BCLAF1: variants seen among roughly 807,000 people sequenced by gnomAD.
BCLAF1 encodes the protein BCL2 associated transcription factor 1.
A neutral mutation model predicts 99.5 loss-of-function variants in BCLAF1; 10 were observed. That is an observed-to-expected ratio of 0.10 (90% CI 0.06 to 0.17). BCLAF1 has a LOEUF of 0.17. BCLAF1 is among the 10% of genes least tolerant of loss of function. The pLI, the probability that BCLAF1 is intolerant of heterozygous loss-of-function variation, is 1.00. For synonymous variants in BCLAF1, 255 were observed against 370.9 expected (o/e 0.69, Z 3.59); for missense variants, 636 against 1,105.8 (o/e 0.58, Z 6.02).
Position 136,262,298 on chromosome 6 carries a change from T to C in BCLAF1, c.2545-821A>G, listed in dbSNP as rs575983547. ...TGTAATTTAATTAACAGCTAACTTA[T>C]TAACTTTGTCACCCACAAAAATGGG... On this transcript the variant is annotated intron_variant, in intron 11 of 12. Transcript: ENST00000531224. Among the ~76,000 whole-genome samples the C allele has an allele frequency of 8.5e-5, 13 of 152,280 alleles. No homozygotes were observed. The South Asian group carries it at 1.9e-3, about 22-fold the overall frequency.
chr6:136,263,483 A>G (rs1781300949), intron 11 of BCLAF1, among the ~76,000 whole-genome samples: 1 of 152,128 alleles, frequency 6.6e-6, no homozygotes, highest in South Asian at 2.1e-4. Context: ...TATTCTTAAT[A>G]CTCAAGTTTT....
chr6:136,269,686 T>C lies in BCLAF1; in HGVS notation c.2044-74A>G, dbSNP rs568452633. On this transcript the variant is annotated intron_variant, in intron 8 of 12. Coordinates refer to ENST00000531224, the MANE Select transcript of BCLAF1 (RefSeq NM_014739.3). ...AATATATATACACATATTATAGAGT[T>C]AAATTTTATGCCAGCTTCTAAACTG... 4 of 1,156,614 alleles carry C rather than the reference T, an allele frequency of 3.5e-6. No individual in the cohort carries two copies. In the African/African-American group the frequency reaches 4.8e-5, roughly 14 times the overall value. The allele number at this position is 1,156,614 out of a possible 1,614,324, so 71.6% of individuals were successfully genotyped here.
chr6:136,288,329 G>T (rs561060892), intron 1 of BCLAF1, among the ~76,000 whole-genome samples: 2 of 152,190 alleles, frequency 1.3e-5, no homozygotes, highest in African/African-American at 4.8e-5. Context: ...ACAGCTCACA[G>T]CAGCCTCAAA....
chr6:136,268,994 A>G lies in BCLAF1; in HGVS notation c.2219+443T>C, dbSNP rs1782137691. On this transcript the variant is annotated intron_variant, in intron 9 of 12. Transcript: ENST00000531224. ...AGTTTCCAAGGAAATATTATTTTGA[A>G]AGACTAATACACATTGCTATTTCTA... 7 of 485,672 alleles carry G rather than the reference A, an allele frequency of 1.4e-5. No homozygotes were observed. In the South Asian group the frequency reaches 3.6e-4, roughly 25 times the overall value. The allele number at this position is 485,672 out of a possible 1,614,324, so 30.1% of individuals were successfully genotyped here.
At chr6:136,275,056 G>A (rs1004295861) in intron 6 of BCLAF1, among the ~76,000 whole-genome samples, 7 of 151,688 alleles carry the variant, frequency 4.6e-5, no homozygotes, top group East Asian at 3.9e-4. Flanking sequence ...AAAATTAAGC[G>A]CAAAAAAAGT....
intron 2 of BCLAF1, among the ~76,000 whole-genome samples, chr6:136,282,307 G>A (rs1210331032): frequency 6.6e-6 from 1 of 152,022 alleles, no homozygotes; most frequent in Non-Finnish European, 1.5e-5. Flanking sequence ...AATGGGTTAA[G>A]TAGCAGTCTT....
At chr6:136,265,488 T>C (rs918307373) in intron 11 of BCLAF1, among the ~76,000 whole-genome samples, 1 of 152,164 alleles carries the variant, frequency 6.6e-6, no homozygotes, top group Non-Finnish European at 1.5e-5. Flanking sequence ...TTCTCTCAAA[T>C]TGCTTAACTT....
At position 136,262,515 on chromosome 6, in the gene BCLAF1, C is replaced by A. The variant is rs60660898; in HGVS notation, c.2545-1038G>T. Among the ~76,000 whole-genome samples the A allele has an allele frequency of 2.5e-3, 377 of 152,064 alleles. 1 individual carries two copies. Among genetic ancestry groups the A allele is most frequent in the African/African-American group, 8.7e-3 (360 of 41,482 alleles). The stretch of plus-strand genomic sequence containing the variant: ...TGGATATATTCATTTAACTGATTAA[C>A]CCCCTTCATGACTTGAAAAGTTCAA... On this transcript the variant is annotated intron_variant, in intron 11 of 12. Transcript: ENST00000531224.
chr6:136,279,341 A>T (rs188082552), intron 3 of BCLAF1: 2 of 152,812 alleles, frequency 1.3e-5, no homozygotes, highest in Admixed American at 1.3e-4. Flanking sequence ...TTTAACAAAA[A>T]TAACCAGAGT....
chr6:136,279,112 G>T (rs1002646655), intron 3 of BCLAF1, among the ~76,000 whole-genome samples: 1 of 151,638 alleles, frequency 6.6e-6, no homozygotes, highest in African/African-American at 2.4e-5. Flanking sequence ...TGTTGTAAAA[G>T]AATATTTAAT....
chr6:136,289,328 GGA>G (rs1785615738), intron 1 of BCLAF1, among the ~76,000 whole-genome samples: 1 of 152,382 alleles, frequency 6.6e-6, no homozygotes, highest in South Asian at 2.1e-4. Flanking sequence ...CATAGGCGGG[GGA>G]GAGAAAAATG....
chr6:136,259,469 G>C lies in BCLAF1; in HGVS notation c.*1641C>G, dbSNP rs1403430411. On this transcript the variant is annotated 3_prime_UTR_variant, in exon 13 of 13. Transcript: ENST00000531224. ...TTCACACGTAAATAAGTATTATTCT[G>C]AACAGGAGAATATTAGTTATGCCCT... The C allele has an allele frequency of 6.6e-6, 1 of 151,980 alleles. No individual in the cohort carries two copies. The highest frequency in any genetic ancestry group is 2.4e-5 in the African/African-American group (1 of 41,420). 9.4% of individuals were successfully genotyped at this position (151,980 alleles called of 1,614,324 possible).
chr6:136,274,839 G>A (rs1783032892), intron 6 of BCLAF1, among the ~76,000 whole-genome samples: 1 of 150,750 alleles, frequency 6.6e-6, no homozygotes, highest in African/African-American at 2.4e-5. Flanking sequence ...ATTACATACT[G>A]GTAAAAATTT....
chr6:136,263,122 A>G (rs188367278), intron 11 of BCLAF1, among the ~76,000 whole-genome samples: 12 of 152,306 alleles, frequency 7.9e-5, no homozygotes, highest in Admixed American at 7.8e-4. Flanking sequence ...CAACCCTCTA[A>G]GATAGTATTA....
intron 5 of BCLAF1, 62 bp from the exon 6 acceptor site, chr6:136,275,763 G>C: frequency 6.4e-7 from 1 of 1,560,874 alleles, no homozygotes; most frequent in Non-Finnish European, 8.6e-7. Flanking sequence ...TATAAAAATG[G>C]TATGTTCAGA....
intron 1 of BCLAF1, among the ~76,000 whole-genome samples, chr6:136,289,266 T>C (rs1584125277): frequency 6.6e-6 from 1 of 152,226 alleles, no homozygotes; most frequent in African/African-American, 2.4e-5. Context: ...AAGGTGGCAG[T>C]CCCAGCCAAT....
chr6:136,283,724 G>C (rs1254374550), intron 1 of BCLAF1, among the ~76,000 whole-genome samples: 3 of 152,174 alleles, frequency 2.0e-5, no homozygotes, highest in African/African-American at 7.2e-5. Context: ...AGAAGAAATG[G>C]TAACATTAAA....
intron 1 of BCLAF1, among the ~76,000 whole-genome samples, chr6:136,284,088 G>T (rs1562266762): frequency 2.1e-5 from 3 of 140,012 alleles, no homozygotes; most frequent in African/African-American, 2.8e-5. Context: ...ATTCCAAAAG[G>T]CTAATTTATA....
chr6:136,282,099 C>T (rs551072882), intron 2 of BCLAF1, among the ~76,000 whole-genome samples: 1 of 152,290 alleles, frequency 6.6e-6, no homozygotes, highest in East Asian at 1.9e-4. Context: ...ATTCAAATTC[C>T]TTAAGCTCTC....
Sources: gnomAD v4.1 joint callset for allele counts (sites outside exome capture counted in the v4.1 genomes callset) on GRCh38, gnomAD v4.1.1 for gene constraint, MANE v1.5 for transcripts, NCBI Gene and HGNC (gene_info 2026-07-23, HGNC 2026-07-21) for gene names.